Variants in SCAF8 observed in about 807,000 individuals in gnomAD.
SCAF8 encodes SR-related and CTD-associated factor 8.
SCAF8 carries 23 observed loss-of-function variants against 140.5 expected under a neutral mutation model. The observed-to-expected ratio is 0.16, with a 90% confidence interval of 0.12 to 0.23. The LOEUF (loss-of-function observed/expected upper bound fraction) is 0.23. Among genes scored for constraint, SCAF8 ranks in the 10% least tolerant of loss-of-function variants. SCAF8 has a pLI of 1.00. For missense variants in SCAF8, 1,397 were observed against 1,555.7 expected (o/e 0.90, Z 1.72); for synonymous variants, 575 against 528.9 (o/e 1.09, Z -1.20).
Position 154,738,003 on chromosome 6 carries a change from C to G in SCAF8, c.30+4073C>G, listed in dbSNP as rs1273103237. On this transcript the variant is annotated intron_variant, in intron 1 of 19. Coordinates refer to ENST00000367178, the MANE Select transcript of SCAF8 (RefSeq NM_014892.5). ...TTTGTGGAGATCATTGGTTTGAAAA[C>G]CAGGAAGATGCCAGAGACTTTAGGA... Among the ~76,000 whole-genome samples, 5 of 151,886 alleles carry G rather than the reference C, an allele frequency of 3.3e-5. No individual in the cohort carries two copies. In the East Asian group the frequency reaches 9.7e-4, roughly 29 times the overall value.
intron 5 of SCAF8, among the ~76,000 whole-genome samples, chr6:154,794,612 G>GA (rs111586259): frequency 1.3e-5 from 2 of 151,976 alleles, no homozygotes; most frequent in African/African-American, 4.8e-5. Context: ...TGTACGTACA[G>GA]AAAAAAACAT....
chr6:154,777,402 C>A (rs1035614465), intron 2 of SCAF8, among the ~76,000 whole-genome samples: 1 of 152,132 alleles, frequency 6.6e-6, no homozygotes, highest in Non-Finnish European at 1.5e-5. Flanking sequence ...TGGCCAATTA[C>A]TAATTTTTAA....
At chr6:154,826,470 G>A (rs1023841159) in intron 17 of SCAF8, among the ~76,000 whole-genome samples, 3 of 152,064 alleles carry the variant, frequency 2.0e-5, no homozygotes, top group South Asian at 2.1e-4. Flanking sequence ...AACAAACCTC[G>A]AATACCAAAG....
intron 1 of SCAF8, among the ~76,000 whole-genome samples, chr6:154,751,979 C>G (rs745444932): frequency 1.3e-5 from 2 of 152,142 alleles, no homozygotes. Flanking sequence ...CCTTTGAGTC[C>G]AAAGCTCATG....
chr6:154,772,904 C>T (rs546206710), intron 1 of SCAF8, among the ~76,000 whole-genome samples: 7 of 152,144 alleles, frequency 4.6e-5, no homozygotes, highest in South Asian at 4.2e-4. Context: ...GGATTACAGG[C>T]GCCTGCCACC....
rs560652092 is a variant in SCAF8 at position 154,805,564 on chromosome 6, T to G, written c.981+78T>G. ...AATTGGCATTTTTGTGGGTTGGCTT[T>G]TTTTTTTTTTAATTGGTCTTAATAG... On this transcript the variant is annotated intron_variant, in intron 9 of 19. Transcript: ENST00000367178. 1.9e-5 allele frequency: 12 copies of G among 634,814 alleles called. No individual in the cohort carries two copies. In the South Asian group the frequency reaches 3.8e-4, roughly 20 times the overall value. The allele number at this position is 634,814 out of a possible 1,614,324, so 39.3% of individuals were successfully genotyped here. A position where few individuals can be genotyped will look rare whatever the true frequency, so the allele number is the denominator to read the frequency against.
chr6:154,733,864 C>T lies in SCAF8; in HGVS notation c.-37C>T, dbSNP rs780189259. 5.8e-6 allele frequency: 9 copies of T among 1,542,394 alleles called. No homozygotes were observed. The East Asian group carries it at 1.3e-4, about 23-fold the overall frequency. On this transcript the variant is annotated 5_prime_UTR_variant, in exon 1 of 20. Transcript: ENST00000367178. ...CCACCCAGTGCAGTGGCCGCCGCCT[C>T]TTCCGCCGCCGGGCTCGGGGCCTCC... is the stretch of plus-strand genomic sequence containing the variant.
rs1228810232 is a variant in SCAF8 at position 154,805,514 on chromosome 6, G to GA, written c.981+29dup. On this transcript the variant is annotated intron_variant, in intron 9 of 19. Transcript: ENST00000367178. ...TTATAACCCCATCTTGTGGTCTTTAGAGTTATTACTATTTATATTCTATAA... is the reference window on the plus strand; with the variant it reads ...TTATAACCCCATCTTGTGGTCTTTAGAAGTTATTACTATTTATATTCTATAA... The GA allele has an allele frequency of 7.0e-6, 9 of 1,282,050 alleles. No individual in the cohort carries two copies. The African/African-American group carries it at 1.4e-4, about 19-fold the overall frequency. 79.4% of individuals were successfully genotyped at this position (1,282,050 alleles called of 1,614,324 possible).
chr6:154,801,117 C>G (rs1333826838), intron 6 of SCAF8, among the ~76,000 whole-genome samples: 1 of 151,296 alleles, frequency 6.6e-6, no homozygotes, highest in Non-Finnish European at 1.5e-5. Context: ...AGGGGAAATA[C>G]GGTGTTTCTA....
At chr6:154,815,512 G>A (rs997212933) in intron 12 of SCAF8, among the ~76,000 whole-genome samples, 2 of 152,168 alleles carry the variant, frequency 1.3e-5, no homozygotes, top group African/African-American at 2.4e-5. Context: ...CATGTAAGTG[G>A]TTGACTTGGC....
At chr6:154,761,757 C>T (rs1425298390) in intron 1 of SCAF8, among the ~76,000 whole-genome samples, 2 of 151,702 alleles carry the variant, frequency 1.3e-5, no homozygotes, top group Admixed American at 6.6e-5. Context: ...AATTTGAAAA[C>T]CTTAGGAAGA....
chr6:154,801,932 C>A, intron 6 of SCAF8, 39 bp from the exon 7 acceptor site: 1 of 1,467,498 alleles, frequency 6.8e-7, no homozygotes, highest in Non-Finnish European at 9.2e-7. Context: ...CAGAAAAAAC[C>A]CAACACCTGT....
intron 18 of SCAF8, 130 bp downstream of exon 18, chr6:154,827,370 T>G: frequency 1.6e-6 from 1 of 640,024 alleles, no homozygotes; most frequent in Non-Finnish European, 2.7e-6. Context: ...TGTTAGATAA[T>G]TTCTAAAATA....
intron 18 of SCAF8, among the ~76,000 whole-genome samples, chr6:154,827,678 T>C (rs547563925): frequency 6.6e-6 from 1 of 152,270 alleles, no homozygotes; most frequent in East Asian, 1.9e-4. Flanking sequence ...TCCTGTAAAA[T>C]GGAAGTTAGC....
chr6:154,770,388 A>ACACACACTCCCTCTCTCTCTCTCT (rs1384942827), intron 1 of SCAF8, among the ~76,000 whole-genome samples: 1 of 141,918 alleles, frequency 7.0e-6, no homozygotes, highest in Non-Finnish European at 1.5e-5. Context: ...ACACACACAC[A>ACACACACTCCCTCTCTCTCTCTCT]CTCTCTCTCT....
chr6:154,741,971 C>G, intron 1 of SCAF8: 1 of 1,533,554 alleles, frequency 6.5e-7, no homozygotes, highest in South Asian at 1.2e-5. Flanking sequence ...TGCCTCTACT[C>G]CTGCTTGTAC....
intron 18 of SCAF8, among the ~76,000 whole-genome samples, chr6:154,827,684 T>A (rs1041274678): frequency 4.6e-5 from 7 of 152,160 alleles, no homozygotes; most frequent in African/African-American, 1.7e-4. Flanking sequence ...AAAATGGAAG[T>A]TAGCACCAAA....
intron 8 of SCAF8, 126 bp from the exon 9 acceptor site, chr6:154,805,243 C>A (rs1777879273): frequency 3.6e-6 from 2 of 562,614 alleles, no homozygotes; most frequent in African/African-American, 3.8e-5. Context: ...ATTAAAATTG[C>A]AAAAGAAAAC....
chr6:154,783,595 C>G (rs1777148478), intron 3 of SCAF8, among the ~76,000 whole-genome samples: 1 of 152,118 alleles, frequency 6.6e-6, no homozygotes, highest in African/African-American at 2.4e-5. Context: ...GCTAAACTGT[C>G]TAGAGATTAT....
Sources: gnomAD v4.1 joint callset for allele counts (sites outside exome capture counted in the v4.1 genomes callset) on GRCh38, gnomAD v4.1.1 for gene constraint, MANE v1.5 for transcripts, NCBI Gene and HGNC (gene_info 2026-07-23, HGNC 2026-07-21) for gene names.